NRXN3: variants seen among roughly 807,000 people sequenced by gnomAD.
NRXN3 encodes the protein neurexin 3.
In NRXN3, 32 loss-of-function variants were observed where a neutral mutation model predicts 137.6. That is an observed-to-expected ratio of 0.23 (90% confidence interval 0.18 to 0.31). The LOEUF is 0.31. Ranked by LOEUF, NRXN3 falls within the 10% of genes least tolerant of loss-of-function variation. The pLI is 1.00. For synonymous variants in NRXN3, 798 were observed against 784.5 expected, an observed-to-expected ratio of 1.02 and a Z score of -0.29; for missense variants, 1,574 against 2,062.5, an observed-to-expected ratio of 0.76 and a Z score of 4.59.
chr14:78,285,122 C>A (rs1252706504), intron 3 of NRXN3, among the ~76,000 whole-genome samples: 1 of 152,178 alleles, frequency 6.6e-6, no homozygotes, highest in Non-Finnish European at 1.5e-5. Flanking sequence ...GATGACCTTT[C>A]AGGCTTCTTT....
chr14:79,271,128 G>A (rs1451396762), intron 15 of NRXN3, among the ~76,000 whole-genome samples: 1 of 152,192 alleles, frequency 6.6e-6, no homozygotes, highest in Non-Finnish European at 1.5e-5. Context: ...TGAGTCAGGT[G>A]ATGTTTGAAC....
chr14:78,601,268 C>T (rs1004696824), intron 4 of NRXN3, among the ~76,000 whole-genome samples: 1 of 152,058 alleles, frequency 6.6e-6, no homozygotes, highest in Non-Finnish European at 1.5e-5. Context: ...AAAAAAAAAT[C>T]CATTTGCAAT....
intron 17 of NRXN3, among the ~76,000 whole-genome samples, chr14:79,681,831 C>G (rs112025838): frequency 2.4e-4 from 37 of 152,082 alleles, no homozygotes; most frequent in African/African-American, 7.2e-4. Context: ...TTTTCTCCTT[C>G]CAACCCTGAT....
In NRXN3 at chr14:79,491,719, A is replaced by G. The variant is rs73341406; in HGVS notation, c.3444+24317A>G. Among the ~76,000 whole-genome samples, 5 of 152,134 alleles carry G rather than the reference A, an allele frequency of 3.3e-5. No individual in the cohort carries two copies. In the East Asian group the frequency reaches 9.7e-4, roughly 29 times the overall value. ...AGAATGAATCTATCTCCAAATGCCAATGAGCATGATGGACTAGTGGCAAGA... is the reference window on the plus strand; with the variant it reads ...AGAATGAATCTATCTCCAAATGCCAGTGAGCATGATGGACTAGTGGCAAGA... On this transcript the variant is annotated intron_variant, in intron 16 of 20. Transcript: ENST00000335750.
intron 17 of NRXN3, among the ~76,000 whole-genome samples, chr14:79,670,814 A>G (rs2098603108): frequency 6.6e-6 from 1 of 152,122 alleles, no homozygotes; most frequent in Admixed American, 6.6e-5. Context: ...TGGATTATCT[A>G]CCACCCGTAT....
intron 4 of NRXN3, among the ~76,000 whole-genome samples, chr14:78,615,273 T>C (rs1209780529): frequency 4.6e-5 from 7 of 152,032 alleles, no homozygotes; most frequent in African/African-American, 1.2e-4. Flanking sequence ...GCTCAAAGAT[T>C]GAACAGATTT....
At chr14:78,338,638 G>T (rs574439649) in intron 4 of NRXN3, among the ~76,000 whole-genome samples, 1 of 152,170 alleles carries the variant, frequency 6.6e-6, no homozygotes, top group Non-Finnish European at 1.5e-5. Context: ...GGGGACAGGG[G>T]AAGTATATCA....
chr14:79,137,483 A>G (rs918290172), intron 15 of NRXN3, among the ~76,000 whole-genome samples: 6 of 152,210 alleles, frequency 3.9e-5, no homozygotes, highest in African/African-American at 1.4e-4. Context: ...ATTGTGGGCA[A>G]TCATGCAGAG....
chr14:79,263,442 A>G (rs2077947389), intron 15 of NRXN3, among the ~76,000 whole-genome samples: 2 of 152,202 alleles, frequency 1.3e-5, no homozygotes, highest in Non-Finnish European at 1.5e-5. Flanking sequence ...ACTTTGGTAA[A>G]TGTGTGTGTG....
chr14:79,218,101 A>G (rs1251677051), intron 15 of NRXN3, among the ~76,000 whole-genome samples: 1 of 152,164 alleles, frequency 6.6e-6, no homozygotes, highest in Non-Finnish European at 1.5e-5. Flanking sequence ...TATTGACCCC[A>G]TAATTGTTCC....
chr14:79,373,944 T>A (rs1214248781), intron 15 of NRXN3, among the ~76,000 whole-genome samples: 1 of 152,174 alleles, frequency 6.6e-6, no homozygotes, highest in Admixed American at 6.5e-5. Flanking sequence ...AAAAACGTCA[T>A]GTTTCAGAGC....
At chr14:78,895,040 C>T (rs946036120) in intron 10 of NRXN3, among the ~76,000 whole-genome samples, 3 of 151,662 alleles carry the variant, frequency 2.0e-5, no homozygotes, top group Non-Finnish European at 4.4e-5. Flanking sequence ...AATTCTGGGG[C>T]CCTAGGATTT....
chr14:78,615,357 T>C (rs1457415657), intron 4 of NRXN3, among the ~76,000 whole-genome samples: 1 of 151,580 alleles, frequency 6.6e-6, no homozygotes, highest in Non-Finnish European at 1.5e-5. Context: ...TCCCAGCACT[T>C]TGGGAGGCCG....
intron 15 of NRXN3, among the ~76,000 whole-genome samples, chr14:79,142,815 G>A (rs903559949): frequency 2.0e-5 from 3 of 152,086 alleles, no homozygotes; most frequent in African/African-American, 7.2e-5. Flanking sequence ...GGAAAAGAGA[G>A]CAAATTCCAG....
At chr14:78,625,242 T>C (rs777110113) in intron 4 of NRXN3, among the ~76,000 whole-genome samples, 1 of 152,240 alleles carries the variant, frequency 6.6e-6, no homozygotes, top group African/African-American at 2.4e-5. Flanking sequence ...TGGAATCTTA[T>C]GAGAAACACG....
intron 2 of NRXN3, 60 bp from the exon 3 acceptor site, chr14:78,278,584 TC>T: frequency 2.3e-6 from 3 of 1,325,676 alleles, no homozygotes; most frequent in African/African-American, 1.5e-5. Flanking sequence ...ACACTCTTCT[TC>T]CTTTTTCTCC....
intron 4 of NRXN3, among the ~76,000 whole-genome samples, chr14:78,633,251 C>CAAAAAAAAA (rs779442429): frequency 0.22 from 14,653 of 66,570 alleles, 1,778 homozygotes; most frequent in Non-Finnish European, 0.23. Context: ...GAGACTCTGT[C>CAAAAAAAAA]AAAAAAAAAA....
At chr14:79,699,996 G>A (rs1283296532) in intron 19 of NRXN3, among the ~76,000 whole-genome samples, 3 of 152,012 alleles carry the variant, frequency 2.0e-5, no homozygotes. Context: ...ATAACTTTCT[G>A]CCAAGGGTTT....
intron 16 of NRXN3, among the ~76,000 whole-genome samples, chr14:79,639,308 A>G (rs2098420926): frequency 6.6e-6 from 1 of 152,118 alleles, no homozygotes; most frequent in Admixed American, 6.6e-5. Flanking sequence ...ATATTTTATC[A>G]CCTGTGTATG....
Sources: allele counts gnomAD v4.1 joint callset (sites outside exome capture counted in the v4.1 genomes callset), GRCh38; gene constraint gnomAD v4.1.1; transcripts MANE v1.5; gene names NCBI Gene and HGNC (gene_info 2026-07-23, HGNC 2026-07-21).